Variants in DOCK2 observed in about 807,000 individuals in gnomAD.
The protein encoded by DOCK2 is dedicator of cytokinesis protein 2.
Under a neutral mutation model 248.9 loss-of-function variants are expected in DOCK2, and 87 were observed. The ratio of observed to expected loss-of-function variants is 0.35; its 90% CI spans 0.29 to 0.42. The LOEUF (loss-of-function observed/expected upper bound fraction) is 0.42. Among genes scored for constraint, DOCK2 ranks in the 10% least tolerant of loss-of-function variants. The pLI, the probability that DOCK2 is intolerant of heterozygous loss-of-function variation, is 1.00. For synonymous variants in DOCK2, 805 were observed against 821.6 expected (o/e 0.98, Z 0.35); for missense variants, 1,747 against 2,300.2 (o/e 0.76, Z 4.92).
At chr5:169,823,982 C>G (rs1768665530) in intron 26 of DOCK2, among the ~76,000 whole-genome samples, 1 of 152,132 alleles carries the variant, frequency 6.6e-6, no homozygotes, top group Non-Finnish European at 1.5e-5. Flanking sequence ...CAATAACAGA[C>G]AAACAGAGAG....
chr5:169,926,254 C>G lies in DOCK2; in HGVS notation c.2800-56814C>G, dbSNP rs556958762. 2.6e-5 allele frequency among the ~76,000 whole-genome samples: 4 copies of G among 152,330 alleles called. No homozygotes were observed. In the East Asian group the frequency reaches 7.7e-4, roughly 29 times the overall value. On this transcript the variant is annotated intron_variant, in intron 27 of 51. Coordinates refer to ENST00000520908, the MANE Select transcript of DOCK2 (RefSeq NM_004946.3). ...GGAAGCCACTCACCTGATTGTCTCT[C>G]ACCTGCCACCTGCAGACCCTGCTCC...
chr5:169,866,133 T>G (rs1357935865), intron 27 of DOCK2, among the ~76,000 whole-genome samples: 1 of 152,142 alleles, frequency 6.6e-6, no homozygotes, highest in Non-Finnish European at 1.5e-5. Context: ...GATGGGGTGT[T>G]AGTTCTTAGG....
chr5:169,676,971 A>G (rs575691539), intron 6 of DOCK2, among the ~76,000 whole-genome samples: 70 of 152,316 alleles, frequency 4.6e-4, no homozygotes, highest in African/African-American at 1.6e-3. Context: ...AGCACTTTCC[A>G]TATATTAACT....
chr5:170,071,541 A>G (rs1466320232), intron 46 of DOCK2, among the ~76,000 whole-genome samples: 1 of 152,188 alleles, frequency 6.6e-6, no homozygotes, highest in Non-Finnish European at 1.5e-5. Flanking sequence ...ATTTTTTGGC[A>G]TAAAAAGATG....
intron 8 of DOCK2, among the ~76,000 whole-genome samples, chr5:169,687,563 A>C (rs1760056997): frequency 6.6e-6 from 1 of 152,228 alleles, no homozygotes; most frequent in African/African-American, 2.4e-5. Context: ...ATTTTTAAAA[A>C]ATCTTGTTCC....
intron 22 of DOCK2, among the ~76,000 whole-genome samples, chr5:169,734,181 G>T (rs1762919946): frequency 6.6e-6 from 1 of 151,110 alleles, no homozygotes; most frequent in Non-Finnish European, 1.5e-5. Flanking sequence ...ACTGACTGAG[G>T]TTTTTCTTTC....
intron 27 of DOCK2, among the ~76,000 whole-genome samples, chr5:169,898,259 C>G (rs1173094293): frequency 1.3e-5 from 2 of 152,168 alleles, no homozygotes; most frequent in Non-Finnish European, 2.9e-5. Flanking sequence ...CCATGGTCTC[C>G]TTTCTCATGG....
chr5:169,883,834 T>C lies in DOCK2; in HGVS notation c.2799+42982T>C, dbSNP rs1046306653. ...GCGGTGGTGAGGTTGTTTCACAAAC[T>C]CCACTGATTCTAGACTGTTACGCTT... On this transcript the variant is annotated intron_variant, in intron 27 of 51. Coordinates refer to ENST00000520908, the MANE Select transcript of DOCK2 (RefSeq NM_004946.3). The C allele has an allele frequency of 3.9e-5, 60 of 1,547,446 alleles. No individual in the cohort carries two copies. The highest frequency in any genetic ancestry group is 4.9e-5 in the Non-Finnish European group (56 of 1,145,152).
chr5:169,971,628 A>G (rs962019072), intron 27 of DOCK2, among the ~76,000 whole-genome samples: 30 of 152,286 alleles, frequency 2.0e-4, no homozygotes, highest in African/African-American at 7.0e-4. Context: ...TTTTGCTGTT[A>G]ACAGATGAAA....
intron 25 of DOCK2, among the ~76,000 whole-genome samples, chr5:169,786,651 C>A (rs1765998386): frequency 6.6e-6 from 1 of 152,206 alleles, no homozygotes; most frequent in Non-Finnish European, 1.5e-5. Context: ...CCAGCCCAAT[C>A]TTTAAGAGCA....
At chr5:170,077,877 C>A (rs1757892130) in intron 48 of DOCK2, 40 bp downstream of exon 48, 2 of 1,580,994 alleles carry the variant, frequency 1.3e-6, no homozygotes, top group Non-Finnish European at 1.7e-6. Context: ...ACACCCCTGC[C>A]TCCCTGGCTC....
intron 27 of DOCK2, among the ~76,000 whole-genome samples, chr5:169,871,759 C>T (rs1162616727): frequency 2.0e-5 from 3 of 152,294 alleles, no homozygotes; most frequent in Admixed American, 6.5e-5. Context: ...TCACAGTCCC[C>T]TGTGGAACCA....
At chr5:169,658,752 TAC>T (rs1561575165) in intron 2 of DOCK2, among the ~76,000 whole-genome samples, 2 of 151,098 alleles carry the variant, frequency 1.3e-5, no homozygotes, top group African/African-American at 4.8e-5. Context: ...CAAAAAAAAA[TAC>T]AGTCTTTAAG....
intron 46 of DOCK2, among the ~76,000 whole-genome samples, chr5:170,069,637 A>T (rs892757906): frequency 1.3e-5 from 2 of 152,126 alleles, no homozygotes; most frequent in Admixed American, 1.3e-4. Context: ...TTTAGAGCTG[A>T]CCCACTTTGT....
At chr5:169,940,334 T>C (rs2113703850) in intron 27 of DOCK2, among the ~76,000 whole-genome samples, 2 of 152,298 alleles carry the variant, frequency 1.3e-5, no homozygotes, top group Middle Eastern at 6.8e-3. Context: ...CATTTTTGTT[T>C]TTCACACCTT....
intron 22 of DOCK2, among the ~76,000 whole-genome samples, chr5:169,728,440 T>C (rs996380894): frequency 6.6e-6 from 1 of 151,652 alleles, no homozygotes; most frequent in African/African-American, 2.4e-5. Context: ...GAAAAAAGGG[T>C]CCCACTGAAA....
chr5:169,919,280 A>G (rs1374161055), intron 27 of DOCK2, among the ~76,000 whole-genome samples: 3 of 152,204 alleles, frequency 2.0e-5, no homozygotes, highest in African/African-American at 7.2e-5. Context: ...GGCCCAAATG[A>G]GTCTCCTGAC....
chr5:169,642,398 C>A (rs1435724562), intron 1 of DOCK2, among the ~76,000 whole-genome samples: 1 of 152,120 alleles, frequency 6.6e-6, no homozygotes, highest in African/African-American at 2.4e-5. Context: ...CATATAATTA[C>A]AAATTGTGAT....
chr5:169,740,290 CT>C (rs148674610), intron 22 of DOCK2, among the ~76,000 whole-genome samples: 3,440 of 149,624 alleles, frequency 0.023, 135 homozygotes, highest in African/African-American at 0.08. Flanking sequence ...TTGTTAACTT[CT>C]TTTTTTTTTA....
Sources: gnomAD v4.1 joint callset for allele counts (sites outside exome capture counted in the v4.1 genomes callset) on GRCh38, gnomAD v4.1.1 for gene constraint, MANE v1.5 for transcripts, NCBI Gene and HGNC (gene_info 2026-07-23, HGNC 2026-07-21) for gene names.